Variants in KCTD18 observed in about 807,000 individuals in gnomAD.
KCTD18 encodes the protein potassium channel tetramerization domain containing 18.
KCTD18 carries 22 observed loss-of-function variants against 30.4 expected under a neutral mutation model. The ratio of observed to expected loss-of-function variants is 0.72; its 90% CI spans 0.52 to 1.03. The LOEUF (loss-of-function observed/expected upper bound fraction) is 1.03, where lower values mean the gene tolerates loss of function less well. Among genes scored for constraint, KCTD18 ranks in the 50% least tolerant of loss-of-function variants. The probability of loss-of-function intolerance (pLI) is 0.00; values close to 1 mark genes in which losing one functional copy is unlikely to be tolerated. For missense variants in KCTD18, 529 were observed against 547.6 expected, an observed-to-expected ratio of 0.97 and a Z score of 0.34; for synonymous variants, 186 against 209.0, an observed-to-expected ratio of 0.89 and a Z score of 0.95.
chr2:200,490,679 C>G, intron 6 of KCTD18, 63 bp from the exon 7 acceptor site: 3 of 1,480,092 alleles, frequency 2.0e-6, no homozygotes, highest in Non-Finnish European at 2.7e-6. Flanking sequence ...GAAAACATCT[C>G]CCAAGTTTAC....
intron 1 of KCTD18, among the ~76,000 whole-genome samples, chr2:200,507,297 G>A (rs1011234818): frequency 1.3e-5 from 2 of 152,122 alleles, no homozygotes; most frequent in Non-Finnish European, 2.9e-5. Context: ...GATAATAAAC[G>A]ACTAACAACC....
chr2:200,507,319 G>A (rs1209809058), intron 1 of KCTD18, among the ~76,000 whole-genome samples: 2 of 152,194 alleles, frequency 1.3e-5, no homozygotes, highest in African/African-American at 2.4e-5. Context: ...AATCATTGCT[G>A]TTGAAATGAC....
At chr2:200,499,269 G>A (rs566801373) in intron 3 of KCTD18, among the ~76,000 whole-genome samples, 185 bp from the exon 4 acceptor site, 7 of 151,642 alleles carry the variant, frequency 4.6e-5, no homozygotes, top group South Asian at 2.1e-4. Flanking sequence ...TAATTAAATC[G>A]GGGCAGGAAG....
At chr2:200,509,150 C>A (rs1273352553) in intron 1 of KCTD18, among the ~76,000 whole-genome samples, 1 of 152,110 alleles carries the variant, frequency 6.6e-6, no homozygotes, top group African/African-American at 2.4e-5. Flanking sequence ...CACACAAAAA[C>A]TCTATTGGAT....
At chr2:200,492,019 A>G (rs12233042) in intron 6 of KCTD18, among the ~76,000 whole-genome samples, 95,775 of 151,852 alleles carry the variant, frequency 0.63, 30,835 homozygotes, top group East Asian at 0.94. Context: ...AGTCATCATC[A>G]TCGTTATCCT....
At chr2:200,503,072 C>T (rs751260116) in intron 3 of KCTD18, among the ~76,000 whole-genome samples, 58 of 151,220 alleles carry the variant, frequency 3.8e-4, no homozygotes, top group South Asian at 1.7e-3. Context: ...ACCAGTGAGA[C>T]CACAAGGTGC....
intron 5 of KCTD18, among the ~76,000 whole-genome samples, 172 bp from the exon 6 acceptor site, chr2:200,493,446 C>A (rs1045814890): frequency 3.3e-5 from 5 of 152,234 alleles, no homozygotes; most frequent in Non-Finnish European, 5.9e-5. Context: ...GGCCAGGGAG[C>A]AACACAGCTC....
In KCTD18 at chr2:200,490,438, G is replaced by A; in HGVS notation, c.943C>T (p.Gln315Ter). The A allele has an allele frequency of 6.2e-7, 1 of 1,614,116 alleles. No individual in the cohort carries two copies. Among genetic ancestry groups the A allele is most frequent in the Non-Finnish European group, 8.5e-7 (1 of 1,180,040 alleles). Residue 315 changes from glutamine (Q) to a stop codon, truncating the protein, a stop_gained, in exon 7 of 7, where the codon CAA becomes TAA. Coordinates refer to ENST00000359878, the MANE Select transcript of KCTD18 (RefSeq NM_152387.4). LOFTEE classifies it low-confidence loss of function (END_TRUNC). ...GCTGCCTTTCTGCGGCTACCACTTTGAAACCGGTTTGCTGTCGCCCCAGCC... is the reference window on the plus strand; with the variant it reads ...GCTGCCTTTCTGCGGCTACCACTTTAAAACCGGTTTGCTGTCGCCCCAGCC... ...TSAGATANRF[Q>*]SGSRRKAAQR...
chr2:200,491,800 C>G (rs1262674396), intron 6 of KCTD18, among the ~76,000 whole-genome samples: 1 of 152,228 alleles, frequency 6.6e-6, no homozygotes, highest in African/African-American at 2.4e-5. Context: ...ACTCTGCTCT[C>G]TTGCAAGTCT....
At chr2:200,501,599 A>G (rs2088085895) in intron 3 of KCTD18, among the ~76,000 whole-genome samples, 1 of 136,754 alleles carries the variant, frequency 7.3e-6, no homozygotes, top group Admixed American at 7.7e-5. Flanking sequence ...ACCATCTCAC[A>G]CCAGTTAGAA....
rs1196850157 is a variant in KCTD18 at position 200,490,529 on chromosome 2, A to G, written c.852T>C (p.Ser284=). 2.5e-6 allele frequency: 4 copies of G among 1,604,732 alleles called. No individual in the cohort carries two copies. The highest frequency in any genetic ancestry group is 2.7e-5 in the African/African-American group (2 of 74,904). The change falls in exon 7 of 7, where the codon AGT becomes AGC. Residue 284 remains serine, a synonymous_variant. Transcript: ENST00000359878. The part of the protein sequence containing the change: ...KPVRFLGPST[S]TQIKVKNSAS... ...CCGAGTTCTTGACTTTAATTTGGGT[A>G]CTTGTGGAAGGGCCCAAAAATCTAA...
At position 200,498,962 on chromosome 2, in the gene KCTD18, T is replaced by C; in HGVS notation, c.495A>G (p.Thr165=). 6.2e-7 allele frequency: 1 copy of C among 1,614,176 alleles called. No homozygotes were observed. Among genetic ancestry groups the C allele is most frequent in the Non-Finnish European group, 8.5e-7 (1 of 1,180,004 alleles). ...CESRIIGVYA[T]KTDGTDAIEK... The stretch of plus-strand genomic sequence containing the variant: ...CAATAGCGTCTGTTCCATCAGTTTT[T>C]GTGGCATATACACCAATAATTCTAC... The change falls in exon 4 of 7, where the codon ACA becomes ACG. Residue 165 remains threonine, a synonymous_variant. Transcript: ENST00000359878.
At chr2:200,502,890 C>T (rs910336655) in intron 3 of KCTD18, among the ~76,000 whole-genome samples, 1 of 152,036 alleles carries the variant, frequency 6.6e-6, no homozygotes, top group Non-Finnish European at 1.5e-5. Flanking sequence ...ATTAGCTGGG[C>T]GTGGTGGCAC....
chr2:200,497,582 T>C (rs1050979738), intron 5 of KCTD18, 171 bp downstream of exon 5: 1 of 578,032 alleles, frequency 1.7e-6, no homozygotes, highest in Non-Finnish European at 3.1e-6. Context: ...TAGCAACTCA[T>C]GGGATTTAAA....
intron 5 of KCTD18, 134 bp downstream of exon 5, chr2:200,497,619 T>C (rs2106279603): frequency 1.5e-6 from 1 of 681,826 alleles, no homozygotes; most frequent in African/African-American, 1.8e-5. Flanking sequence ...GCCTCAGTGT[T>C]ATCATGAGAT....
intron 1 of KCTD18, among the ~76,000 whole-genome samples, chr2:200,508,385 A>C (rs13425012): frequency 0.91 from 139,207 of 152,232 alleles, 64,317 homozygotes; most frequent in Non-Finnish European, 0.98. Context: ...CCACTGCACC[A>C]GGCCCAGGGA....
chr2:200,501,734 CCTCAGGGATCTAGTATTAGAAATACCA>C (rs2088088191), intron 3 of KCTD18, among the ~76,000 whole-genome samples: 1 of 150,892 alleles, frequency 6.6e-6, no homozygotes, highest in Non-Finnish European at 1.5e-5. Context: ...TGTGGCGATT[CCTCAGGGATCTAGTATTAGAAATACCA>C]TTTGACCCAG....
chr2:200,504,534 G>A (rs930665292), intron 3 of KCTD18, among the ~76,000 whole-genome samples: 8 of 151,338 alleles, frequency 5.3e-5, no homozygotes, highest in Admixed American at 1.3e-4. Context: ...AATCTTCAGT[G>A]AGCAATATAA....
chr2:200,497,073 T>C (rs1015602609), intron 5 of KCTD18: 5 of 152,264 alleles, frequency 3.3e-5, no homozygotes, highest in African/African-American at 1.2e-4. Flanking sequence ...GGACTTGTTA[T>C]CATACTTTGC....
Sources: gnomAD v4.1 joint callset for allele counts (sites outside exome capture counted in the v4.1 genomes callset) on GRCh38, gnomAD v4.1.1 for gene constraint, MANE v1.5 for transcripts, NCBI Gene and HGNC (gene_info 2026-07-23, HGNC 2026-07-21) for gene names.